PCDHA7: variants seen among roughly 807,000 people sequenced by gnomAD.
PCDHA7 encodes protocadherin alpha 7.
A neutral mutation model predicts 57.2 loss-of-function variants in PCDHA7; 37 were observed. That is an observed-to-expected ratio of 0.65 (90% CI 0.50 to 0.85). The LOEUF is 0.85. Among genes scored for constraint, PCDHA7 ranks in the 40% least tolerant of loss-of-function variants. PCDHA7 has a pLI of 0.00. For missense variants in PCDHA7, 1,188 were observed against 1,241.8 expected (o/e 0.96, Z 0.65); for synonymous variants, 553 against 558.8 (o/e 0.99, Z 0.15).
intron 1 of PCDHA7, among the ~76,000 whole-genome samples, chr5:140,892,088 C>T (rs782787174): frequency 1.3e-5 from 2 of 152,122 alleles, no homozygotes; most frequent in Non-Finnish European, 2.9e-5. Flanking sequence ...AGTTTCCTCT[C>T]GAAACTTTCA....
At chr5:140,882,802 C>T (rs782615396) in intron 1 of PCDHA7, 21 of 1,614,206 alleles carry the variant, frequency 1.3e-5, no homozygotes, top group Non-Finnish European at 1.5e-5. Context: ...ACGATTATTT[C>T]ACTTTGGACG....
intron 1 of PCDHA7, among the ~76,000 whole-genome samples, chr5:140,915,616 GTC>G (rs1166585947): frequency 7.5e-6 from 1 of 134,000 alleles, no homozygotes. Context: ...CTGTCAAACA[GTC>G]TCTTTCTGTC....
At chr5:140,878,545 A>G (rs1554170455) in intron 1 of PCDHA7, among the ~76,000 whole-genome samples, 1 of 152,228 alleles carries the variant, frequency 6.6e-6, no homozygotes, top group African/African-American at 2.4e-5. Context: ...AACCAGTTTC[A>G]GATGATCCCA....
chr5:140,855,331 A>C (rs1554147752), intron 1 of PCDHA7, among the ~76,000 whole-genome samples: 1 of 149,982 alleles, frequency 6.7e-6, no homozygotes, highest in Non-Finnish European at 1.5e-5. Flanking sequence ...GGGAGAGGTT[A>C]AACGATTTTC....
In PCDHA7 at chr5:140,884,016, G is replaced by A. The variant is rs143828814; in HGVS notation, c.2355+47278G>A. 13 of 1,613,090 alleles carry A rather than the reference G, an allele frequency of 8.1e-6. No individual in the cohort carries two copies. In the Admixed American group the frequency reaches 1.2e-4, roughly 14 times the overall value. On this transcript the variant is annotated intron_variant, in intron 1 of 3. Coordinates refer to ENST00000525929, the MANE Select transcript of PCDHA7 (RefSeq NM_018910.3). ...GGCACAGTGAGCGAGCTGATGCCGC[G>A]GTCGGTGGGTGCAGGCCACGTGGTG...
At position 140,835,993 on chromosome 5, in the gene PCDHA7, C is replaced by A. The variant is rs2150249835; in HGVS notation, c.1610C>A (p.Ala537Glu). 2 of 1,613,346 alleles carry A rather than the reference C, an allele frequency of 1.2e-6. No homozygotes were observed. Among genetic ancestry groups the A allele is most frequent in the African/African-American group, 1.3e-5 (1 of 75,020 alleles). Residue 537 changes from alanine (A) to glutamate (E), a missense_variant, in exon 1 of 4, where the codon GCG (alanine) becomes GAG (glutamate). Around this residue, in one of 3 missense-constraint regions of PCDHA7, gnomAD observed 892 missense variants for 788.5 expected, o/e 1.13. Transcript: ENST00000525929. ...ELELLQFQVS[A>E]RDAGVPPLGS... ...GAGCTGTTGCAGTTCCAGGTGAGCG[C>A]GCGCGATGCGGGCGTGCCGCCTCTG...
intron 1 of PCDHA7, chr5:140,843,430 C>T: frequency 6.3e-7 from 1 of 1,596,170 alleles, no homozygotes; most frequent in Non-Finnish European, 8.6e-7. Context: ...TGATCATCGC[C>T]ATCTGCGCGG....
chr5:140,871,036 C>G (rs781977409), intron 1 of PCDHA7: 3 of 1,613,274 alleles, frequency 1.9e-6, no homozygotes, highest in East Asian at 4.5e-5. Flanking sequence ...GCCGCGCCAC[C>G]GACTTCTAGT....
chr5:140,913,106 T>C (rs1308946519), intron 1 of PCDHA7, among the ~76,000 whole-genome samples: 1 of 152,194 alleles, frequency 6.6e-6, no homozygotes, highest in Admixed American at 6.6e-5. Flanking sequence ...CCTCATAGAA[T>C]CAGTTTGGAA....
At chr5:140,978,240 C>T (rs1290697340) in intron 1 of PCDHA7, among the ~76,000 whole-genome samples, 3 of 152,174 alleles carry the variant, frequency 2.0e-5, no homozygotes, top group African/African-American at 7.2e-5. Context: ...TGGATTTCAG[C>T]TACTCCCTGT....
chr5:140,928,834 T>G, intron 1 of PCDHA7: 3 of 1,614,178 alleles, frequency 1.9e-6, no homozygotes, highest in Non-Finnish European at 2.5e-6. Flanking sequence ...ACCACTTTCC[T>G]CCTCTGTCAC....
chr5:140,839,671 C>G (rs1194956449), intron 1 of PCDHA7, among the ~76,000 whole-genome samples: 1 of 152,028 alleles, frequency 6.6e-6, no homozygotes, highest in African/African-American at 2.4e-5. Context: ...TATTTAGAGT[C>G]AACTACAGAG....
At chr5:140,896,262 T>C (rs2065465092) in intron 1 of PCDHA7, among the ~76,000 whole-genome samples, 2 of 152,258 alleles carry the variant, frequency 1.3e-5, no homozygotes, top group African/African-American at 4.8e-5. Flanking sequence ...TGTACACAGT[T>C]ATGGGATTTG....
In PCDHA7 at chr5:140,967,909, C is replaced by T. The variant is rs140881563; in HGVS notation, c.2356-11040C>T. The T allele has an allele frequency of 5.0e-5, 81 of 1,614,206 alleles. No individual in the cohort carries two copies. In the African/African-American group the frequency reaches 9.1e-4, roughly 18 times the overall value. ...CAGTGCCTGAGAATGCTACACCCAACACCATTGTGGCCGTTCTCAGTGTCA... is the reference window on the plus strand; with the variant it reads ...CAGTGCCTGAGAATGCTACACCCAATACCATTGTGGCCGTTCTCAGTGTCA... On this transcript the variant is annotated intron_variant, in intron 1 of 3. Coordinates refer to ENST00000525929, the MANE Select transcript of PCDHA7 (RefSeq NM_018910.3).
intron 1 of PCDHA7, among the ~76,000 whole-genome samples, chr5:140,957,285 G>A (rs1036077483): frequency 2.0e-5 from 3 of 152,144 alleles, no homozygotes; most frequent in Non-Finnish European, 4.4e-5. Context: ...CTTACCTGCA[G>A]TTTCACTCTG....
rs781792274 is a variant in PCDHA7, at chr5:140,927,895, G to A, written c.2356-51054G>A. The A allele has an allele frequency of 4.3e-5, 70 of 1,614,074 alleles. No homozygotes were observed. The highest frequency in any genetic ancestry group is 5.3e-5 in the Non-Finnish European group (62 of 1,180,048). On this transcript the variant is annotated intron_variant, in intron 1 of 3. Coordinates refer to ENST00000525929, the MANE Select transcript of PCDHA7 (RefSeq NM_018910.3). ...GCTGGTGGAGGTGACTGACGTGAACGATCATGCCCCCGAACTGGACTTCCT... is the reference window on the plus strand; with the variant it reads ...GCTGGTGGAGGTGACTGACGTGAACAATCATGCCCCCGAACTGGACTTCCT...
chr5:140,858,733 C>A (rs984187341), intron 1 of PCDHA7: 4 of 475,092 alleles, frequency 8.4e-6, no homozygotes, highest in African/African-American at 8.1e-5. Context: ...TGACGATTTA[C>A]TTTCATAATC....
At chr5:141,002,757 A>G (rs1234528731) in intron 3 of PCDHA7, among the ~76,000 whole-genome samples, 1 of 152,224 alleles carries the variant, frequency 6.6e-6, no homozygotes, top group African/African-American at 2.4e-5. Context: ...CAACCCTGTG[A>G]TGTAGACAGG....
chr5:140,874,124 TTTAAG>T (rs373641315), intron 1 of PCDHA7, among the ~76,000 whole-genome samples: 322 of 152,384 alleles, frequency 2.1e-3, no homozygotes, highest in African/African-American at 7.5e-3. Context: ...TTATAGTTTA[TTTAAG>T]TTATCTTATA....
Sources: gnomAD v4.1 joint callset for allele counts (sites outside exome capture counted in the v4.1 genomes callset) on GRCh38, gnomAD v4.1.1 for gene constraint, gnomAD v4.1.1 regional missense constraint, MANE v1.5 for transcripts, NCBI Gene and HGNC (gene_info 2026-07-23, HGNC 2026-07-21) for gene names.